FAM135A: variants seen among roughly 807,000 people sequenced by gnomAD.
The protein encoded by FAM135A is protein FAM135A.
A neutral mutation model predicts 146.8 loss-of-function variants in FAM135A; 79 were observed. The observed-to-expected ratio is 0.54, with a 90% CI of 0.45 to 0.65. The LOEUF (loss-of-function observed/expected upper bound fraction) is 0.65. Among genes scored for constraint, FAM135A ranks in the 30% least tolerant of loss-of-function variants. The pLI is 0.00. For synonymous variants in FAM135A, 562 were observed against 603.6 expected, an observed-to-expected ratio of 0.93 and a Z score of 1.01; for missense variants, 1,623 against 1,758.2, an observed-to-expected ratio of 0.92 and a Z score of 1.38.
intron 18 of FAM135A, 160 bp from the exon 19 acceptor site, chr6:70,536,100 C>A: frequency 1.8e-6 from 1 of 565,352 alleles, no homozygotes; most frequent in Admixed American, 3.8e-5. Flanking sequence ...ACATTTTTTC[C>A]TTCAAAATGT....
chr6:70,537,195 A>G (rs1422808993), intron 19 of FAM135A, among the ~76,000 whole-genome samples: 6 of 152,058 alleles, frequency 3.9e-5, no homozygotes, highest in Admixed American at 1.3e-4. Flanking sequence ...CGGCCTCCCA[A>G]AGTGCTAGGA....
At chr6:70,529,428 G>C (rs1045480910) in intron 16 of FAM135A, among the ~76,000 whole-genome samples, 1 of 143,486 alleles carries the variant, frequency 7.0e-6, no homozygotes, top group Non-Finnish European at 1.5e-5. Context: ...TAAAATTGGA[G>C]ATTTTTCTTT....
intron 14 of FAM135A, 71 bp downstream of exon 14, chr6:70,524,192 A>G (rs746617517): frequency 2.3e-5 from 33 of 1,456,858 alleles, no homozygotes; most frequent in Non-Finnish European, 3.0e-5. Context: ...AATATACATA[A>G]AACCATTCCC....
chr6:70,496,264 TA>T (rs1787223420), intron 11 of FAM135A, among the ~76,000 whole-genome samples: 1 of 152,204 alleles, frequency 6.6e-6, no homozygotes, highest in Non-Finnish European at 1.5e-5. Context: ...CCAGTGATGA[TA>T]AGCTTTTTTT....
chr6:70,425,137 A>G (rs1235404453), intron 2 of FAM135A, among the ~76,000 whole-genome samples: 1 of 150,070 alleles, frequency 6.7e-6, no homozygotes, highest in African/African-American at 2.4e-5. Flanking sequence ...ACACACACAC[A>G]CAGAGTATAC....
intron 4 of FAM135A, among the ~76,000 whole-genome samples, chr6:70,432,878 T>C (rs1255256854): frequency 6.6e-6 from 1 of 151,900 alleles, no homozygotes; most frequent in Non-Finnish European, 1.5e-5. Flanking sequence ...GATGATAACT[T>C]AATAAGAAAA....
At chr6:70,419,518 G>A (rs895756104) in intron 2 of FAM135A, among the ~76,000 whole-genome samples, 8 of 152,080 alleles carry the variant, frequency 5.3e-5, no homozygotes, top group African/African-American at 1.7e-4. Flanking sequence ...AGTATTAAAT[G>A]TACTGCATTA....
chr6:70,415,157 T>A (rs1416224682), intron 1 of FAM135A, 134 bp from the exon 2 acceptor site: 1 of 152,180 alleles, frequency 6.6e-6, no homozygotes, highest in African/African-American at 2.4e-5. Flanking sequence ...GTTTTGTAAT[T>A]TTTTTCCTCC....
At chr6:70,549,693 T>A (rs1799469654) in intron 20 of FAM135A, among the ~76,000 whole-genome samples, 1 of 152,172 alleles carries the variant, frequency 6.6e-6, no homozygotes, top group South Asian at 2.1e-4. Flanking sequence ...CAGTTAATCA[T>A]AATGTTTTTG....
intron 8 of FAM135A, among the ~76,000 whole-genome samples, chr6:70,479,035 T>C (rs1783186641): frequency 6.6e-6 from 1 of 152,192 alleles, no homozygotes; most frequent in East Asian, 1.9e-4. Flanking sequence ...TACTCTAGTT[T>C]TCTAAATCTC....
At chr6:70,495,431 C>G (rs1249657202) in intron 11 of FAM135A, among the ~76,000 whole-genome samples, 1 of 152,068 alleles carries the variant, frequency 6.6e-6, no homozygotes, top group Non-Finnish European at 1.5e-5. Context: ...AATTCCTCCC[C>G]TTCTTACTAA....
intron 5 of FAM135A, among the ~76,000 whole-genome samples, chr6:70,471,995 T>C (rs1781715345): frequency 6.6e-6 from 1 of 151,870 alleles, no homozygotes; most frequent in African/African-American, 2.4e-5. Context: ...CTTCCCAGGG[T>C]TTATAGAGTA....
chr6:70,438,500 A>G (rs1448730677), intron 4 of FAM135A, among the ~76,000 whole-genome samples: 2 of 152,152 alleles, frequency 1.3e-5, no homozygotes, highest in African/African-American at 2.4e-5. Context: ...GCATATATCT[A>G]TGTTGCATAT....
At chr6:70,549,612 TA>T (rs1051945464) in intron 20 of FAM135A, among the ~76,000 whole-genome samples, 1 of 152,012 alleles carries the variant, frequency 6.6e-6, no homozygotes, top group African/African-American at 2.4e-5. Flanking sequence ...GCATTATATC[TA>T]AAAAAAAGTA....
At chr6:70,464,053 T>G (rs915981037) in intron 5 of FAM135A, among the ~76,000 whole-genome samples, 2 of 151,882 alleles carry the variant, frequency 1.3e-5, no homozygotes, top group African/African-American at 4.8e-5. Context: ...TTCTTACTTA[T>G]GTTCATGTCT....
Position 70,525,017 on chromosome 6 carries a change from G to C in FAM135A, c.1933G>C (p.Asp645His), listed in dbSNP as rs1420895109. 1 of 1,598,532 alleles carries C rather than the reference G, an allele frequency of 6.3e-7. No homozygotes were observed. Among genetic ancestry groups the C allele is most frequent in the East Asian group, 2.2e-5 (1 of 44,826 alleles). ...ASRRSSDDCH[D>H]HQTTPSLGVR... ...CAGAAGGTCATCAGACGATTGCCAT[G>C]ATCATCAAACAACCCCATCTTTGGG... Residue 645 changes from aspartate (D) to histidine (H), a missense_variant, in exon 15 of 22, where the codon GAT (aspartate) becomes CAT (histidine). Physicochemically the swap from Asp to His is moderately conservative, Grantham distance 81. Coordinates refer to ENST00000418814, the MANE Select transcript of FAM135A (RefSeq NM_001162529.3).
chr6:70,486,742 A>G (rs1245055798), intron 10 of FAM135A, among the ~76,000 whole-genome samples: 1 of 152,160 alleles, frequency 6.6e-6, no homozygotes, highest in Non-Finnish European at 1.5e-5. Context: ...TAGCCTGACC[A>G]ACATAATGAA....
rs189952552 is a variant in FAM135A at position 70,467,232 on chromosome 6, A to C, written c.158-8178A>C. ...ACCTTTTTTCTTTGGAATCTTGAAAATATTACTCCATTATCTTTTGGTTTG... is the reference window on the plus strand; with the variant it reads ...ACCTTTTTTCTTTGGAATCTTGAAACTATTACTCCATTATCTTTTGGTTTG... On this transcript the variant is annotated intron_variant, in intron 5 of 21. Transcript: ENST00000418814. 4.3e-3 allele frequency among the ~76,000 whole-genome samples: 657 copies of C among 152,194 alleles called. 2 individuals are homozygous for C. The highest frequency in any genetic ancestry group is 7.9e-3 in the Non-Finnish European group (539 of 67,990).
At chr6:70,472,370 G>A (rs191097001) in intron 5 of FAM135A, among the ~76,000 whole-genome samples, 17 of 152,140 alleles carry the variant, frequency 1.1e-4, no homozygotes, top group Admixed American at 3.9e-4. Flanking sequence ...TATGTTTCCC[G>A]AAGCATCTCA....
Sources: gnomAD v4.1 joint callset for allele counts (sites outside exome capture counted in the v4.1 genomes callset) on GRCh38, gnomAD v4.1.1 for gene constraint, MANE v1.5 for transcripts, NCBI Gene and HGNC (gene_info 2026-07-23, HGNC 2026-07-21) for gene names.